Variants in ONECUT1 observed in about 807,000 individuals in gnomAD.
ONECUT1 encodes the protein one cut homeobox 1.
In ONECUT1, 12 loss-of-function variants were observed where a neutral mutation model predicts 25.6. The ratio of observed to expected loss-of-function variants is 0.47; its 90% confidence interval spans 0.30 to 0.76. The LOEUF (loss-of-function observed/expected upper bound fraction) is 0.76. ONECUT1 is among the 30% of genes least tolerant of loss of function. The pLI is 0.07. For missense variants in ONECUT1, 620 were observed against 651.2 expected (o/e 0.95, Z 0.52); for synonymous variants, 285 against 270.2 (o/e 1.05, Z -0.54).
At chr15:52,764,137 A>G (rs2083721119) in intron 1 of ONECUT1, among the ~76,000 whole-genome samples, 1 of 152,254 alleles carries the variant, frequency 6.6e-6, no homozygotes, top group Non-Finnish European at 1.5e-5. Context: ...TGATTGGATT[A>G]TGCAAAAGTC....
chr15:52,766,140 C>T (rs939648121), intron 1 of ONECUT1, among the ~76,000 whole-genome samples: 9 of 152,186 alleles, frequency 5.9e-5, no homozygotes, highest in Admixed American at 5.2e-4. Flanking sequence ...CGTAACTCAC[C>T]CTTGTGTCTT....
chr15:52,783,343 C>T (rs1336524712), intron 1 of ONECUT1, among the ~76,000 whole-genome samples: 3 of 152,228 alleles, frequency 2.0e-5, no homozygotes, highest in African/African-American at 4.8e-5. Context: ...TTTCGATTAC[C>T]TCAGTGTGCC....
At chr15:52,762,716 A>G (rs2083712828) in intron 1 of ONECUT1, among the ~76,000 whole-genome samples, 1 of 152,190 alleles carries the variant, frequency 6.6e-6, no homozygotes, top group African/African-American at 2.4e-5. Context: ...AATGCTGCCA[A>G]AGCTGGAGGT....
At chr15:52,782,380 G>A (rs182626698) in intron 1 of ONECUT1, among the ~76,000 whole-genome samples, 24 of 152,212 alleles carry the variant, frequency 1.6e-4, no homozygotes, top group African/African-American at 3.6e-4. Flanking sequence ...ATTAAACTTC[G>A]TTAGTATTAA....
rs1313611825 is a variant in ONECUT1, at chr15:52,755,214, C to T, written c.*2341G>A. On this transcript the variant is annotated 3_prime_UTR_variant, in exon 2 of 2. Coordinates refer to ENST00000305901, the MANE Select transcript of ONECUT1 (RefSeq NM_004498.4). ...TTTTAAATAAATAAGGCTTTCCTCCCTCCTAAATTATAAATACATTATGTA... is the reference window on the plus strand; with the variant it reads ...TTTTAAATAAATAAGGCTTTCCTCCTTCCTAAATTATAAATACATTATGTA... Among the ~76,000 whole-genome samples the T allele has an allele frequency of 6.6e-6, 1 of 152,098 alleles. No individual in the cohort carries two copies. The highest frequency in any genetic ancestry group is 2.4e-5 in the African/African-American group (1 of 41,396).
intron 1 of ONECUT1, among the ~76,000 whole-genome samples, chr15:52,776,326 C>T (rs2141456944): frequency 6.6e-6 from 1 of 152,306 alleles, no homozygotes; most frequent in African/African-American, 2.4e-5. Context: ...TATATCCAAG[C>T]ACCCAGCTTC....
At chr15:52,774,906 A>G (rs987755636) in intron 1 of ONECUT1, among the ~76,000 whole-genome samples, 1 of 152,232 alleles carries the variant, frequency 6.6e-6, no homozygotes, top group Non-Finnish European at 1.5e-5. Flanking sequence ...CATTTTGAAC[A>G]TCTTTCACAC....
At chr15:52,774,607 A>G (rs1226477287) in intron 1 of ONECUT1, among the ~76,000 whole-genome samples, 6 of 152,152 alleles carry the variant, frequency 3.9e-5, no homozygotes, top group Admixed American at 2.6e-4. Context: ...GCCAGAAGTT[A>G]CCTTTTAAAA....
rs2083912523 is a variant in ONECUT1 at position 52,790,282 on chromosome 15, C to A, written c.-398G>T. On this transcript the variant is annotated 5_prime_UTR_variant, in exon 1 of 2. Coordinates refer to ENST00000305901, the MANE Select transcript of ONECUT1 (RefSeq NM_004498.4). ...CCTGCCGCGGCCCGCGCGCCTGCCG[C>A]GTCTGCTGCCTGCCCGCCCCGCTGG... 6.6e-6 allele frequency among the ~76,000 whole-genome samples: 1 copy of A among 151,436 alleles called. No individual in the cohort carries two copies. Among genetic ancestry groups the A allele is most frequent in the Non-Finnish European group, 1.5e-5 (1 of 67,718 alleles).
Position 52,757,483 on chromosome 15 carries a change from AG to A in ONECUT1, c.*71del. 1 of 1,455,240 alleles carries A rather than the reference AG, an allele frequency of 6.9e-7. No homozygotes were observed. The highest frequency in any genetic ancestry group is 2.3e-5 in the East Asian group (1 of 43,850). The allele number at this position is 1,455,240 out of a possible 1,614,324, so 90.1% of individuals were successfully genotyped here. ...TTCTAAGTATAAACCTGCTATCTTG[AG>A]GTCCTGGTCTTTTAAAAATTTTTTT... On this transcript the variant is annotated 3_prime_UTR_variant, in exon 2 of 2. Transcript: ENST00000305901.
At chr15:52,762,356 G>A (rs972091782) in intron 1 of ONECUT1, among the ~76,000 whole-genome samples, 14 of 152,162 alleles carry the variant, frequency 9.2e-5, no homozygotes, top group Admixed American at 2.0e-4. Context: ...ATTATATATT[G>A]CCTCTTCCTC....
intron 1 of ONECUT1, among the ~76,000 whole-genome samples, chr15:52,772,406 A>G (rs1257382479): frequency 1.3e-5 from 2 of 152,080 alleles, no homozygotes; most frequent in East Asian, 3.8e-4. Context: ...AAAAAAAAAA[A>G]AAAGCGAGAT....
intron 1 of ONECUT1, among the ~76,000 whole-genome samples, chr15:52,773,978 G>A (rs1173343342): frequency 6.6e-6 from 1 of 152,152 alleles, no homozygotes; most frequent in Non-Finnish European, 1.5e-5. Context: ...AGGGATGATG[G>A]AATTACCAGA....
Position 52,757,545 on chromosome 15 carries a change from G to T in ONECUT1, c.*10C>A, listed in dbSNP as rs369001456. On this transcript the variant is annotated 3_prime_UTR_variant, in exon 2 of 2. Transcript: ENST00000305901. ...CTTTTCCACCGAGGTTTTAGTTTGT[G>T]GTTCTTCCTTCATGCTTTGGTACAA... The T allele has an allele frequency of 6.3e-7, 1 of 1,593,616 alleles. No homozygotes were observed. Among genetic ancestry groups the T allele is most frequent in the Non-Finnish European group, 8.5e-7 (1 of 1,170,558 alleles).
rs1031866539 is a variant in ONECUT1 at position 52,788,237 on chromosome 15, C to T, written c.1105+543G>A. 1.3e-5 allele frequency: 2 copies of T among 156,832 alleles called. No homozygotes were observed. Among genetic ancestry groups the T allele is most frequent in the African/African-American group, 4.8e-5 (2 of 41,518 alleles). 9.7% of individuals were successfully genotyped at this position (156,832 alleles called of 1,614,324 possible). A position where few individuals can be genotyped will look rare whatever the true frequency, so the allele number is the denominator to read the frequency against. ...GGCTCTGAAACTTTTTGCCCATACTCTTAGATTGAGGTCACCCCAGCCAGC... is the reference window on the plus strand; with the variant it reads ...GGCTCTGAAACTTTTTGCCCATACTTTTAGATTGAGGTCACCCCAGCCAGC... On this transcript the variant is annotated intron_variant, in intron 1 of 1. Coordinates refer to ENST00000305901, the MANE Select transcript of ONECUT1 (RefSeq NM_004498.4). The surrounding 1 kb of genome is among the most constrained non-coding windows in gnomAD (Gnocchi z 4.3).
At chr15:52,778,990 G>T (rs372414133) in intron 1 of ONECUT1, among the ~76,000 whole-genome samples, 2 of 133,616 alleles carry the variant, frequency 1.5e-5, no homozygotes, top group African/African-American at 7.4e-5. Flanking sequence ...TCCAGAGAGG[G>T]TTTTCTTTTT....
intron 1 of ONECUT1, among the ~76,000 whole-genome samples, chr15:52,762,528 G>T (rs779265097): frequency 1.1e-4 from 17 of 152,302 alleles, no homozygotes; most frequent in African/African-American, 4.1e-4. Context: ...CACTGTAGAC[G>T]TTACAATACC....
chr15:52,761,316 T>C (rs375460494), intron 1 of ONECUT1, among the ~76,000 whole-genome samples: 1 of 152,192 alleles, frequency 6.6e-6, no homozygotes, highest in African/African-American at 2.4e-5. Flanking sequence ...CCTTTCTGAA[T>C]GCACATCTCA....
intron 1 of ONECUT1, among the ~76,000 whole-genome samples, chr15:52,783,617 C>T (rs1290962480): frequency 6.6e-6 from 1 of 152,228 alleles, no homozygotes; most frequent in African/African-American, 2.4e-5. Flanking sequence ...CTCAGGGCTG[C>T]CTCCTGACTC....
Sources: gnomAD v4.1 joint callset for allele counts (sites outside exome capture counted in the v4.1 genomes callset) on GRCh38, gnomAD v4.1.1 for gene constraint, Gnocchi (gnomAD v3.1) non-coding constraint, MANE v1.5 for transcripts, NCBI Gene and HGNC (gene_info 2026-07-23, HGNC 2026-07-21) for gene names.